Variants in CELF2 observed in about 807,000 individuals in gnomAD.
CELF2 encodes CUG triplet repeat RNA-binding protein 2.
CELF2 carries 8 observed loss-of-function variants against 62.6 expected under a neutral mutation model. The observed-to-expected ratio is 0.13, with a 90% CI of 0.07 to 0.23. The LOEUF is 0.23. CELF2 is among the 10% of genes least tolerant of loss of function. The pLI is 1.00. For synonymous variants in CELF2, 258 were observed against 250.0 expected, an observed-to-expected ratio of 1.03 and a Z score of -0.30; for missense variants, 333 against 671.0, an observed-to-expected ratio of 0.50 and a Z score of 5.56.
chr10:10,663,604 G>A, the CELF2 span, among the ~76,000 whole-genome samples: 3 of 152,174 alleles, frequency 2.0e-5, no homozygotes, highest in Non-Finnish European at 4.4e-5. Context: ...AGAAGAGAGA[G>A]TAAAATTGTT....
chr10:10,592,469 T>C, the CELF2 span, among the ~76,000 whole-genome samples: 1 of 152,190 alleles, frequency 6.6e-6, no homozygotes, highest in African/African-American at 2.4e-5. Context: ...ATTTAGCACC[T>C]TCCATTCCTT....
At chr10:10,719,417 C>A in the CELF2 span, among the ~76,000 whole-genome samples, 2 of 152,004 alleles carry the variant, frequency 1.3e-5, no homozygotes, top group Admixed American at 6.5e-5. Flanking sequence ...TTCCACTAGG[C>A]CTGGCTAATT....
chr10:11,135,584 C>G (rs2060303614), intron 1 of CELF2, among the ~76,000 whole-genome samples: 1 of 152,228 alleles, frequency 6.6e-6, no homozygotes, highest in African/African-American at 2.4e-5. Context: ...ATACTGTCTT[C>G]TAAATAGCCA....
At chr10:11,050,398 G>A (rs749045533) in intron 1 of CELF2, among the ~76,000 whole-genome samples, 14 of 152,170 alleles carry the variant, frequency 9.2e-5, no homozygotes, top group Non-Finnish European at 1.5e-4. Context: ...TGGGACATGC[G>A]TGAGATGAGT....
chr10:10,643,036 A>C, the CELF2 span, among the ~76,000 whole-genome samples: 1 of 152,262 alleles, frequency 6.6e-6, no homozygotes, highest in Admixed American at 6.5e-5. Flanking sequence ...TGCAGATAAG[A>C]AAGTTCTGTT....
chr10:10,873,220 G>A (rs1454939602), intron 1 of CELF2, among the ~76,000 whole-genome samples: 1 of 151,896 alleles, frequency 6.6e-6, no homozygotes, highest in Admixed American at 6.6e-5. Context: ...AATACAAAAT[G>A]TTATCATTAA....
chr10:11,001,704 CA>C (rs1402532416), upstream of CELF2, among the ~76,000 whole-genome samples: 1 of 152,084 alleles, frequency 6.6e-6, no homozygotes, highest in Non-Finnish European at 1.5e-5. Context: ...GTAATTTATA[CA>C]GCAAAAACAT....
At chr10:10,932,939 GA>G (rs1344880350) in intron 2 of CELF2, among the ~76,000 whole-genome samples, 1 of 152,146 alleles carries the variant, frequency 6.6e-6, no homozygotes, top group African/African-American at 2.4e-5. Flanking sequence ...ATATGAATTA[GA>G]AAAGTAGATA....
At position 11,177,663 on chromosome 10, in the gene CELF2, A is replaced by C. The variant is rs2071726781; in HGVS notation, c.271+11981A>C. On this transcript the variant is annotated intron_variant, in intron 2 of 12. Coordinates refer to ENST00000633077, the MANE Select transcript of CELF2 (RefSeq NM_001326342.2). The surrounding 1 kb of genome is among the most constrained non-coding windows in gnomAD (Gnocchi z 4.8). ...GAAGGAAATAGGGGCCTTAGTTTTT[A>C]AATCCTCTGTAAGATAGTCAAGGCT... 2.0e-5 allele frequency among the ~76,000 whole-genome samples: 3 copies of C among 152,234 alleles called. No homozygotes were observed. The South Asian group carries it at 6.2e-4, about 32-fold the overall frequency.
Position 11,319,116 on chromosome 10 carries a change from T to C in CELF2, c.1097-2073T>C, listed in dbSNP as rs550928598. On this transcript the variant is annotated intron_variant, in intron 10 of 12. Transcript: ENST00000633077. This position sits in a 1 kb window ranked among gnomAD's most constrained non-coding sequence, Gnocchi z 4.4. Reference sequence around the variant, plus strand: ...AAGCAGAGCGGCGAGTCGCCGCTCCTCTCCCGCCAGAATTTCCTCCACACG... The same window carrying C: ...AAGCAGAGCGGCGAGTCGCCGCTCCCCTCCCGCCAGAATTTCCTCCACACG... The C allele has an allele frequency of 2.7e-4, 128 of 470,016 alleles. No individual in the cohort carries two copies. The highest frequency in any genetic ancestry group is 2.4e-3 in the African/African-American group (118 of 50,136). 29.1% of individuals were successfully genotyped at this position (470,016 alleles called of 1,614,324 possible).
chr10:10,555,332 A>G, the CELF2 span, among the ~76,000 whole-genome samples: 1 of 151,520 alleles, frequency 6.6e-6, no homozygotes, highest in Non-Finnish European at 1.5e-5. Flanking sequence ...ATGTCCATCT[A>G]AAGTCTATGG....
the CELF2 span, among the ~76,000 whole-genome samples, chr10:10,674,007 G>A: frequency 4.6e-5 from 7 of 152,160 alleles, no homozygotes; most frequent in African/African-American, 1.4e-4. Context: ...GCTGCTCTTG[G>A]ATCAAGTAAT....
In CELF2 at chr10:11,257,839, C is replaced by T; in HGVS notation, c.505C>T (p.Arg169Trp). Residue 169 changes from arginine to tryptophan, a missense_variant, in exon 5 of 13, where the codon CGG becomes TGG. Coordinates refer to ENST00000633077, the MANE Select transcript of CELF2 (RefSeq NM_001326342.2). ...FSPFGQIEEC[R>W]ILRGPDGLSR... Reference sequence around the variant, plus strand: ...TCCATTTGGCCAGATAGAAGAATGCCGGATCCTCCGGGGACCTGATGGGCT... The same window carrying T: ...TCCATTTGGCCAGATAGAAGAATGCTGGATCCTCCGGGGACCTGATGGGCT... 1 of 1,614,160 alleles carries T rather than the reference C, an allele frequency of 6.2e-7. No homozygotes were observed.
chr10:10,562,127 T>C, the CELF2 span, among the ~76,000 whole-genome samples: 3 of 152,174 alleles, frequency 2.0e-5, no homozygotes, highest in African/African-American at 7.2e-5. Flanking sequence ...GGAGAGGTTA[T>C]TAGGACAAGA....
intron 2 of CELF2, among the ~76,000 whole-genome samples, chr10:10,930,029 G>T (rs1372169056): frequency 6.6e-6 from 1 of 152,176 alleles, no homozygotes; most frequent in Non-Finnish European, 1.5e-5. Flanking sequence ...CGCAAATGTG[G>T]TGTTCATTAA....
chr10:10,693,440 A>C, the CELF2 span, among the ~76,000 whole-genome samples: 4 of 150,204 alleles, frequency 2.7e-5, no homozygotes, highest in Non-Finnish European at 4.5e-5. Context: ...TTTTGCATCA[A>C]TGTTCATCAA....
intron 1 of CELF2, among the ~76,000 whole-genome samples, chr10:11,037,289 G>A (rs889181142): frequency 3.9e-5 from 6 of 152,178 alleles, no homozygotes; most frequent in Non-Finnish European, 7.4e-5. Flanking sequence ...TGAGAACAGC[G>A]TGGGAGAAAC....
rs899503501 is a variant in CELF2 at position 11,223,184 on chromosome 10, G to A, written c.354+5677G>A. 7.2e-5 allele frequency among the ~76,000 whole-genome samples: 11 copies of A among 152,174 alleles called. No homozygotes were observed. The highest frequency in any genetic ancestry group is 2.1e-4 in the South Asian group (1 of 4,826). On this transcript the variant is annotated intron_variant, in intron 3 of 12. Transcript: ENST00000633077. The surrounding 1 kb of genome is among the most constrained non-coding windows in gnomAD (Gnocchi z 5.1). ...TAGAGAGGGTGCTTGAGAAATGGCC[G>A]TGCGATGATGGTGAGCTCTGCTTCC...
rs1182936782 is a variant in CELF2 at position 11,268,444 on chromosome 10, G to A, written c.618+1767G>A. ...GCTCAGAGAGCCACGGACAACCCAC[G>A]GGAGACCATGTTCCCCTGTGTTCCT... On this transcript the variant is annotated intron_variant, in intron 6 of 12. Transcript: ENST00000633077. The surrounding 1 kb of genome is among the most constrained non-coding windows in gnomAD (Gnocchi z 4.7). 2.0e-5 allele frequency among the ~76,000 whole-genome samples: 3 copies of A among 152,076 alleles called. No homozygotes were observed. Among genetic ancestry groups the A allele is most frequent in the East Asian group, 1.9e-4 (1 of 5,178 alleles).
Sources: gnomAD v4.1 joint callset for allele counts (sites outside exome capture counted in the v4.1 genomes callset) on GRCh38, gnomAD v4.1.1 for gene constraint, Gnocchi (gnomAD v3.1) non-coding constraint, MANE v1.5 for transcripts, NCBI Gene and HGNC (gene_info 2026-07-23, HGNC 2026-07-21) for gene names.